The following CEP112 variants were observed in gnomAD, a reference collection of about 807,000 sequenced individuals.
The protein encoded by CEP112 is centrosomal protein 112.
A neutral mutation model predicts 153.0 loss-of-function variants in CEP112; 127 were observed. That is an observed-to-expected ratio of 0.83 (90% CI 0.72 to 0.96). The LOEUF is 0.96. Among genes scored for constraint, CEP112 ranks in the 40% least tolerant of loss-of-function variants. The pLI, the probability that CEP112 is intolerant of heterozygous loss-of-function variation, is 0.00. For missense variants in CEP112, 1,089 were observed against 1,101.2 expected, an observed-to-expected ratio of 0.99 and a Z score of 0.16; for synonymous variants, 358 against 374.4, an observed-to-expected ratio of 0.96 and a Z score of 0.51.
chr17:65,966,697 A>T (rs11079613), intron 17 of CEP112, among the ~76,000 whole-genome samples: 1 of 151,978 alleles, frequency 6.6e-6, no homozygotes, highest in African/African-American at 2.4e-5. Context: ...TAAAATAACA[A>T]CTTTCATAAG....
intron 4 of CEP112, among the ~76,000 whole-genome samples, chr17:66,149,881 TTTG>T (rs1568549285): frequency 1.4e-3 from 77 of 54,728 alleles, no homozygotes; most frequent in East Asian, 3.2e-3. Flanking sequence ...TTTTTTTTTG[TTTG>T]TTTGTTTTTT....
intron 4 of CEP112, among the ~76,000 whole-genome samples, chr17:66,141,002 CT>C (rs2070672762): frequency 6.6e-6 from 1 of 151,996 alleles, no homozygotes; most frequent in African/African-American, 2.4e-5. Flanking sequence ...ATTGTGAGTA[CT>C]ACTTCTTTAT....
chr17:66,104,307 C>T lies in CEP112; in HGVS notation c.643-7675G>A, dbSNP rs139534191. ...AGCTCAGCCACAGTAGACTATGGCA[C>T]CAGGCAGAGTCCCAAGGCCCCCAGT... On this transcript the variant is annotated intron_variant, in intron 6 of 26. Coordinates refer to ENST00000535342, the MANE Select transcript of CEP112 (RefSeq NM_001199165.4). Among the ~76,000 whole-genome samples the T allele has an allele frequency of 7.7e-3, 1,168 of 152,196 alleles. 9 individuals are homozygous for T. Among genetic ancestry groups the T allele is most frequent in the Non-Finnish European group, 0.013 (884 of 68,014 alleles).
intron 6 of CEP112, among the ~76,000 whole-genome samples, chr17:66,104,648 A>G (rs1282861830): frequency 1.3e-5 from 2 of 152,252 alleles, no homozygotes; most frequent in African/African-American, 2.4e-5. Context: ...CAATTTGGCC[A>G]TAGTAGGGAA....
At chr17:66,181,760 G>A (rs111922823) in intron 2 of CEP112, among the ~76,000 whole-genome samples, 282 of 151,836 alleles carry the variant, frequency 1.9e-3, no homozygotes, top group African/African-American at 6.3e-3. Context: ...GCAAATCTAA[G>A]ACAAAAAGAA....
intron 17 of CEP112, among the ~76,000 whole-genome samples, chr17:65,998,133 A>G (rs181659952): frequency 7.2e-5 from 11 of 152,194 alleles, no homozygotes; most frequent in Admixed American, 2.0e-4. Flanking sequence ...TAATCCCAGT[A>G]TTTTGAGAGG....
chr17:65,642,481 T>C (rs1417570971), intron 24 of CEP112, among the ~76,000 whole-genome samples: 1 of 152,138 alleles, frequency 6.6e-6, no homozygotes, highest in East Asian at 1.9e-4. Flanking sequence ...CTGTGGCCAC[T>C]GTTATAGAAC....
intron 23 of CEP112, among the ~76,000 whole-genome samples, chr17:65,698,065 TA>T (rs2048442488): frequency 6.6e-6 from 1 of 152,168 alleles, no homozygotes; most frequent in African/African-American, 2.4e-5. Flanking sequence ...CAGCAACACT[TA>T]TTTTTTTTTC....
chr17:65,664,917 G>T (rs1034849815), intron 24 of CEP112, among the ~76,000 whole-genome samples: 1 of 152,184 alleles, frequency 6.6e-6, no homozygotes, highest in African/African-American at 2.4e-5. Context: ...TCTGGTTTAG[G>T]TGAGGGCTCT....
chr17:66,091,687 A>G (rs1463856911), intron 8 of CEP112, among the ~76,000 whole-genome samples: 1 of 152,284 alleles, frequency 6.6e-6, no homozygotes, highest in East Asian at 1.9e-4. Context: ...TAAAGATCAG[A>G]GCAGAAATAA....
In CEP112 at chr17:66,027,527, G is replaced by T. The variant is rs377090069; in HGVS notation, c.1630C>A (p.His544Asn). 6.1e-6 allele frequency: 8 copies of T among 1,317,188 alleles called. No individual in the cohort carries two copies. The highest frequency in any genetic ancestry group is 8.1e-6 in the Non-Finnish European group (8 of 986,956). 81.6% of individuals were successfully genotyped at this position (1,317,188 alleles called of 1,614,324 possible). ...TTTTTTTCATAGATGTGTTTTAAATGACTTTTCTCCATCTGAAACTTATTT... is the reference window on the plus strand; with the variant it reads ...TTTTTTTCATAGATGTGTTTTAAATTACTTTTCTCCATCTGAAACTTATTT... ...QENKFQMEKSHLKHIYEKKAH... is the reference protein window; with the variant it reads ...QENKFQMEKSNLKHIYEKKAH... Residue 544 changes from histidine to asparagine, a missense_variant, in exon 16 of 27, where the codon CAT becomes AAT. Transcript: ENST00000535342.
chr17:66,124,189 T>C (rs1413369596), intron 6 of CEP112, among the ~76,000 whole-genome samples: 1 of 152,298 alleles, frequency 6.6e-6, no homozygotes. Flanking sequence ...ATGTCCACCT[T>C]GGGGAAAGAC....
chr17:66,027,745 G>A (rs1455953076), intron 15 of CEP112, among the ~76,000 whole-genome samples, 185 bp from the exon 16 acceptor site: 1 of 152,114 alleles, frequency 6.6e-6, no homozygotes, highest in Non-Finnish European at 1.5e-5. Context: ...TAAAATCTTA[G>A]TCACCTGAAG....
intron 24 of CEP112, among the ~76,000 whole-genome samples, chr17:65,661,316 C>G (rs1364844463): frequency 1.3e-5 from 2 of 152,206 alleles, no homozygotes; most frequent in Non-Finnish European, 2.9e-5. Flanking sequence ...GTTCATCTAA[C>G]AGTTACTGAT....
At chr17:66,131,754 C>T (rs1454408185) in intron 5 of CEP112, among the ~76,000 whole-genome samples, 1 of 151,142 alleles carries the variant, frequency 6.6e-6, no homozygotes, top group Non-Finnish European at 1.5e-5. Flanking sequence ...CACAAAAAAA[C>T]AAAAACAAAA....
chr17:65,819,257 T>C (rs1195832915), intron 21 of CEP112, among the ~76,000 whole-genome samples: 1 of 151,948 alleles, frequency 6.6e-6, no homozygotes, highest in East Asian at 1.9e-4. Context: ...TATTTTCTGT[T>C]AGCTGTGATT....
chr17:65,784,433 G>A lies in CEP112; in HGVS notation c.2395-33709C>T, dbSNP rs554301456. Among the ~76,000 whole-genome samples the A allele has an allele frequency of 5.3e-5, 8 of 152,176 alleles. No homozygotes were observed. The South Asian group carries it at 1.0e-3, about 20-fold the overall frequency. ...ACTATTTGCCTCAGCTTCTTTACTG[G>A]GGAAGCAATTTTCTTCCTGGCATGT... On this transcript the variant is annotated intron_variant, in intron 21 of 26. Transcript: ENST00000535342.
intron 12 of CEP112, among the ~76,000 whole-genome samples, chr17:66,036,795 A>C (rs1230233185): frequency 3.9e-5 from 6 of 152,204 alleles, no homozygotes; most frequent in Admixed American, 6.5e-5. Context: ...ATTAACATAA[A>C]ATAAATTTGC....
intron 12 of CEP112, among the ~76,000 whole-genome samples, chr17:66,034,848 C>T (rs1050280718): frequency 2.9e-4 from 44 of 150,734 alleles, no homozygotes; most frequent in African/African-American, 9.9e-4. Context: ...CACTCTGTCG[C>T]CCAGGCTGGA....
Sources: allele counts gnomAD v4.1 joint callset (sites outside exome capture counted in the v4.1 genomes callset), GRCh38; gene constraint gnomAD v4.1.1; transcripts MANE v1.5; gene names NCBI Gene and HGNC (gene_info 2026-07-23, HGNC 2026-07-21).